The following TENM3 variants were observed in gnomAD, a reference collection of about 807,000 sequenced individuals.
TENM3 encodes teneurin-3.
TENM3 carries 63 observed loss-of-function variants against 255.1 expected under a neutral mutation model. That is an observed-to-expected ratio of 0.25 (90% CI 0.20 to 0.30). The LOEUF is 0.30. TENM3 is among the 10% of genes least tolerant of loss of function. The pLI, the probability that TENM3 is intolerant of heterozygous loss-of-function variation, is 1.00. For synonymous variants in TENM3, 1,306 were observed against 1,322.3 expected, an observed-to-expected ratio of 0.99 and a Z score of 0.27; for missense variants, 2,929 against 3,461.1, an observed-to-expected ratio of 0.85 and a Z score of 3.86.
the TENM3 span, among the ~76,000 whole-genome samples, chr4:182,053,303 C>G: frequency 2.2e-3 from 331 of 152,286 alleles, no homozygotes; most frequent in Non-Finnish European, 3.1e-3. Context: ...GGGGCTCCTT[C>G]AGCACAGTGC....
the TENM3 span, among the ~76,000 whole-genome samples, chr4:181,510,099 G>A: frequency 6.6e-6 from 1 of 152,148 alleles, no homozygotes; most frequent in Non-Finnish European, 1.5e-5. Flanking sequence ...GTCTTACGTG[G>A]GTGTGTGTAC....
chr4:181,559,144 G>T, the TENM3 span, among the ~76,000 whole-genome samples: 1 of 152,026 alleles, frequency 6.6e-6, no homozygotes, highest in African/African-American at 2.4e-5. Context: ...TAAGCAAAGT[G>T]CTTCCTAAAG....
the TENM3 span, among the ~76,000 whole-genome samples, chr4:181,876,632 A>G: frequency 2.0e-5 from 3 of 152,174 alleles, no homozygotes; most frequent in African/African-American, 7.2e-5. Flanking sequence ...AATGTGTAGA[A>G]AAAGTGTTCT....
the TENM3 span, among the ~76,000 whole-genome samples, chr4:181,896,895 A>G: frequency 6.6e-6 from 1 of 152,176 alleles, no homozygotes; most frequent in Non-Finnish European, 1.5e-5. Flanking sequence ...GACCTCTTAC[A>G]GGATGAGGGC....
intron 1 of TENM3, among the ~76,000 whole-genome samples, chr4:182,247,466 A>G (rs1757731866): frequency 6.6e-6 from 1 of 152,230 alleles, no homozygotes; most frequent in Admixed American, 6.5e-5. Flanking sequence ...AGAAGGAAGC[A>G]CTTTAACCCT....
At chr4:182,471,388 A>G (rs1733107471) in intron 3 of TENM3, among the ~76,000 whole-genome samples, 1 of 152,150 alleles carries the variant, frequency 6.6e-6, no homozygotes, top group African/African-American at 2.4e-5. Flanking sequence ...GTGTACTTAC[A>G]CAAACCAAGA....
At chr4:181,720,684 C>T in the TENM3 span, among the ~76,000 whole-genome samples, 1 of 151,852 alleles carries the variant, frequency 6.6e-6, no homozygotes, top group Admixed American at 6.6e-5. Context: ...TGAATATTCT[C>T]AGTGGGAGGA....
In TENM3 at chr4:182,681,833, G is replaced by A. The variant is rs373230425; in HGVS notation, c.1854G>A (p.Gly618=). Residue 618 remains glycine, a synonymous_variant, in exon 11 of 28, where the codon GGG becomes GGA. Transcript: ENST00000511685. ...CACCAGCTGACTGTATAGACCCTGG[G>A]TGTTCTAATCATGGTGTGTGTATCC... ...SCEEADCIDP[G]CSNHGVCIHG... The A allele has an allele frequency of 2.8e-5, 45 of 1,613,376 alleles. 1 individual carries two copies. Among genetic ancestry groups the A allele is most frequent in the East Asian group, 1.1e-4 (5 of 44,880 alleles).
At chr4:182,502,295 G>GTGTA (rs1736394476) in intron 3 of TENM3, among the ~76,000 whole-genome samples, 1 of 152,146 alleles carries the variant, frequency 6.6e-6, no homozygotes, top group Non-Finnish European at 1.5e-5. Flanking sequence ...AGGCGGTGCT[G>GTGTA]TGTACTTCAT....
the TENM3 span, among the ~76,000 whole-genome samples, chr4:181,977,081 A>G: frequency 6.6e-6 from 1 of 152,180 alleles, no homozygotes; most frequent in East Asian, 1.9e-4. Flanking sequence ...ACTTAGCAGC[A>G]TGAGCTGGAC....
At chr4:181,905,058 A>T in the TENM3 span, among the ~76,000 whole-genome samples, 76 of 152,272 alleles carry the variant, frequency 5.0e-4, no homozygotes, top group African/African-American at 1.7e-3. Context: ...AAGTCAAATA[A>T]GTCAAAAAAG....
At chr4:182,113,032 A>C in the TENM3 span, among the ~76,000 whole-genome samples, 1 of 152,218 alleles carries the variant, frequency 6.6e-6, no homozygotes, top group African/African-American at 2.4e-5. Flanking sequence ...AAAATGTATC[A>C]AGACATTCAC....
At chr4:182,633,817 T>C (rs1318630356) in intron 5 of TENM3, among the ~76,000 whole-genome samples, 2 of 152,136 alleles carry the variant, frequency 1.3e-5, no homozygotes, top group African/African-American at 4.8e-5. Flanking sequence ...GAAGTAAAAA[T>C]AGAGAAGAAA....
At chr4:182,334,172 A>C (rs1763953104) in intron 2 of TENM3, among the ~76,000 whole-genome samples, 1 of 152,206 alleles carries the variant, frequency 6.6e-6, no homozygotes. Context: ...GTCAGAAAAA[A>C]AAATCCTATC....
At chr4:182,529,925 G>A (rs1739605161) in intron 3 of TENM3, among the ~76,000 whole-genome samples, 1 of 152,198 alleles carries the variant, frequency 6.6e-6, no homozygotes, top group South Asian at 2.1e-4. Context: ...ATTGTTTTAA[G>A]CCTTTGCTCT....
chr4:181,975,457 G>C, the TENM3 span: 1 of 152,046 alleles, frequency 6.6e-6, no homozygotes, highest in African/African-American at 2.4e-5. Flanking sequence ...GTATTTCACT[G>C]TGTCTATGTG....
intron 3 of TENM3, among the ~76,000 whole-genome samples, chr4:182,464,537 G>A (rs560375998): frequency 3.3e-5 from 5 of 152,304 alleles, no homozygotes; most frequent in South Asian, 2.1e-4. Context: ...GATTACAGGC[G>A]TGAGCCACCA....
intron 20 of TENM3, 27 bp from the exon 21 acceptor site, chr4:182,753,423 A>G (rs772374372): frequency 2.5e-6 from 4 of 1,595,726 alleles, no homozygotes; most frequent in Admixed American, 1.7e-5. Flanking sequence ...TTGAAAAATT[A>G]GTAATACTTG....
At chr4:182,202,855 C>T (rs1374199314) in intron 1 of TENM3, among the ~76,000 whole-genome samples, 3 of 152,010 alleles carry the variant, frequency 2.0e-5, no homozygotes, top group Non-Finnish European at 4.4e-5. Flanking sequence ...ATCAAGAGGG[C>T]TTGAGGAAGA....
Sources: gnomAD v4.1 joint callset for allele counts (sites outside exome capture counted in the v4.1 genomes callset) on GRCh38, gnomAD v4.1.1 for gene constraint, MANE v1.5 for transcripts, NCBI Gene and HGNC (gene_info 2026-07-23, HGNC 2026-07-21) for gene names.